GPM6A: variants seen among roughly 807,000 people sequenced by gnomAD.
GPM6A encodes the protein glycoprotein M6A.
GPM6A carries 7 observed loss-of-function variants against 32.1 expected under a neutral mutation model. The ratio of observed to expected loss-of-function variants is 0.22; its 90% CI spans 0.12 to 0.41. GPM6A has a LOEUF of 0.41. Ranked by LOEUF, GPM6A falls within the 10% of genes least tolerant of loss-of-function variation. The pLI, the probability that GPM6A is intolerant of heterozygous loss-of-function variation, is 1.00. For missense variants in GPM6A, 235 were observed against 347.2 expected (o/e 0.68, Z 2.57); for synonymous variants, 130 against 123.4 (o/e 1.05, Z -0.35).
chr4:175,794,588 G>A (rs1734144374), intron 1 of GPM6A, among the ~76,000 whole-genome samples: 1 of 152,188 alleles, frequency 6.6e-6, no homozygotes, highest in Non-Finnish European at 1.5e-5. Context: ...AAAAAATGAA[G>A]CTGATAATTC....
intron 1 of GPM6A, among the ~76,000 whole-genome samples, chr4:175,737,130 G>A (rs544902201): frequency 8.5e-5 from 13 of 152,298 alleles, no homozygotes; most frequent in African/African-American, 3.1e-4. Context: ...ACAGAACACG[G>A]TGTGAAGTAA....
chr4:175,815,190 T>G (rs1001945248), upstream of GPM6A, among the ~76,000 whole-genome samples: 7 of 152,120 alleles, frequency 4.6e-5, no homozygotes, highest in African/African-American at 1.7e-4. Flanking sequence ...TTTGTATTTT[T>G]AGTGGAGACC....
intron 2 of GPM6A, among the ~76,000 whole-genome samples, chr4:175,692,019 C>A (rs1579390470): frequency 6.6e-6 from 1 of 152,122 alleles, no homozygotes; most frequent in African/African-American, 2.4e-5. Context: ...AGATGGAGCA[C>A]AATTCTGCCA....
intron 1 of GPM6A, among the ~76,000 whole-genome samples, chr4:175,882,084 ATTTG>A (rs1186593875): frequency 2.0e-5 from 3 of 152,032 alleles, no homozygotes; most frequent in Non-Finnish European, 4.4e-5. Context: ...TTTGTTATGC[ATTTG>A]TTTGTCCATA....
At chr4:175,919,844 TCC>T (rs991631308) in intron 1 of GPM6A, among the ~76,000 whole-genome samples, 2 of 152,186 alleles carry the variant, frequency 1.3e-5, no homozygotes, top group Non-Finnish European at 2.9e-5. Context: ...GCCTCAGGAC[TCC>T]CCTGTAATGG....
chr4:175,664,218 G>C (rs923308468), intron 3 of GPM6A, among the ~76,000 whole-genome samples: 82 of 152,250 alleles, frequency 5.4e-4, no homozygotes, highest in African/African-American at 2.0e-3. Context: ...GGAGCACAGA[G>C]GATTTTCAGG....
At chr4:175,920,238 C>A (rs569126261) in intron 1 of GPM6A, among the ~76,000 whole-genome samples, 1 of 152,190 alleles carries the variant, frequency 6.6e-6, no homozygotes, top group Non-Finnish European at 1.5e-5. Flanking sequence ...ACATGTCTGG[C>A]AGGAATTTAG....
chr4:175,719,887 C>G (rs926826982), intron 1 of GPM6A, among the ~76,000 whole-genome samples: 1 of 152,188 alleles, frequency 6.6e-6, no homozygotes, highest in Non-Finnish European at 1.5e-5. Flanking sequence ...ATATGCTTTG[C>G]TCCCTAAGGC....
chr4:175,812,022 A>G (rs1393732684), intron 1 of GPM6A, 169 bp downstream of exon 1: 1 of 552,036 alleles, frequency 1.8e-6, no homozygotes. Flanking sequence ...AATAATGACA[A>G]CATTCGTGCC....
intron 1 of GPM6A, among the ~76,000 whole-genome samples, chr4:175,713,857 G>A (rs1047511166): frequency 1.3e-4 from 19 of 151,992 alleles, no homozygotes; most frequent in Non-Finnish European, 2.2e-4. Context: ...TTTTGATAGC[G>A]GTTGTTGGTT....
At position 175,759,596 on chromosome 4, in the gene GPM6A, T is replaced by A. The variant is rs568655469; in HGVS notation, c.37+52595A>T. 2.6e-5 allele frequency among the ~76,000 whole-genome samples: 4 copies of A among 152,316 alleles called. No homozygotes were observed. In the South Asian group the frequency reaches 8.3e-4, roughly 32 times the overall value. The stretch of plus-strand genomic sequence containing the variant: ...AGATTATGAGTTTAAACTCATATCA[T>A]GTATTTGAATTGAAAATGTAGAGGA... On this transcript the variant is annotated intron_variant, in intron 1 of 6. Coordinates refer to ENST00000393658, the MANE Select transcript of GPM6A (RefSeq NM_201591.3).
intron 1 of GPM6A, among the ~76,000 whole-genome samples, chr4:175,893,770 A>C (rs1475450670): frequency 6.6e-6 from 1 of 152,160 alleles, no homozygotes; most frequent in Non-Finnish European, 1.5e-5. Flanking sequence ...CTAAGTAAAA[A>C]CAGAAGTTCA....
chr4:175,957,104 A>T (rs1481356942), intron 1 of GPM6A, among the ~76,000 whole-genome samples: 1 of 152,210 alleles, frequency 6.6e-6, no homozygotes, highest in African/African-American at 2.4e-5. Context: ...GTTTTTCGGA[A>T]TGTGCACCTT....
At chr4:175,843,186 A>C (rs1320568212) in intron 1 of GPM6A, among the ~76,000 whole-genome samples, 1 of 152,202 alleles carries the variant, frequency 6.6e-6, no homozygotes, top group African/African-American at 2.4e-5. Flanking sequence ...GCCAAAAAGA[A>C]GAAGCAGGAT....
At chr4:175,833,227 C>A (rs12504803) in intron 1 of GPM6A, among the ~76,000 whole-genome samples, 1 of 151,990 alleles carries the variant, frequency 6.6e-6, no homozygotes, top group Non-Finnish European at 1.5e-5. Context: ...GATAAAGACT[C>A]CTGGGGGTGG....
chr4:175,714,903 C>T (rs1745755879), intron 1 of GPM6A, among the ~76,000 whole-genome samples: 1 of 150,266 alleles, frequency 6.7e-6, no homozygotes, highest in African/African-American at 2.5e-5. Flanking sequence ...TGAGTAGAAC[C>T]ATACTCTTCT....
chr4:175,688,188 C>A (rs191598016), intron 2 of GPM6A, among the ~76,000 whole-genome samples: 2 of 152,230 alleles, frequency 1.3e-5, no homozygotes, highest in Admixed American at 1.3e-4. Flanking sequence ...TGCACAGAAG[C>A]TTTTCAGCTC....
intron 1 of GPM6A, among the ~76,000 whole-genome samples, chr4:175,861,753 A>G (rs1052712833): frequency 1.3e-5 from 2 of 151,006 alleles, no homozygotes; most frequent in African/African-American, 4.9e-5. Flanking sequence ...GACTCTGAAA[A>G]AAAAAAAAAA....
intron 1 of GPM6A, among the ~76,000 whole-genome samples, chr4:175,965,109 C>T (rs1740292615): frequency 6.6e-6 from 1 of 152,144 alleles, no homozygotes; most frequent in Admixed American, 6.6e-5. Context: ...CAACAGCAGA[C>T]TACCCATTCT....
Sources: gnomAD v4.1 joint callset for allele counts (sites outside exome capture counted in the v4.1 genomes callset) on GRCh38, gnomAD v4.1.1 for gene constraint, MANE v1.5 for transcripts, NCBI Gene and HGNC (gene_info 2026-07-23, HGNC 2026-07-21) for gene names.